Variants in ZNF684 observed in about 807,000 individuals in gnomAD.
ZNF684 encodes hypothetical protein MGC27466.
A neutral mutation model predicts 12.8 loss-of-function variants in ZNF684; 13 were observed. The observed-to-expected ratio is 1.02, with a 90% CI of 0.66 to 1.62. The LOEUF (loss-of-function observed/expected upper bound fraction) is 1.62, where lower values mean the gene tolerates loss of function less well. Among genes scored for constraint, ZNF684 ranks in the 40% most tolerant of loss-of-function variants. The pLI, the probability that ZNF684 is intolerant of heterozygous loss-of-function variation, is 0.00. For missense variants in ZNF684, 384 were observed against 446.9 expected, an observed-to-expected ratio of 0.86 and a Z score of 1.27; for synonymous variants, 118 against 151.8, an observed-to-expected ratio of 0.78 and a Z score of 1.64.
At chr1:40,534,192 A>G (rs1179620005) in intron 2 of ZNF684, among the ~76,000 whole-genome samples, 2 of 150,700 alleles carry the variant, frequency 1.3e-5, no homozygotes, top group African/African-American at 2.4e-5. Flanking sequence ...TGACTTTTCA[A>G]TGAGTCCTAT....
intron 1 of ZNF684, among the ~76,000 whole-genome samples, chr1:40,532,645 C>CA (rs533666037): frequency 0.01 from 1,438 of 140,090 alleles, 10 homozygotes; most frequent in Middle Eastern, 0.015. Flanking sequence ...TCCAGCTTAA[C>CA]AAAAAAAAAA....
chr1:40,541,030 C>CA (rs57200329), intron 3 of ZNF684, among the ~76,000 whole-genome samples: 15,554 of 79,134 alleles, frequency 0.2, 1,515 homozygotes, highest in East Asian at 0.49. Context: ...GACCCTATCT[C>CA]AAAAAAAAAA....
At chr1:40,533,240 A>G in intron 2 of ZNF684, 59 bp downstream of exon 2, 3 of 1,531,652 alleles carry the variant, frequency 2.0e-6, no homozygotes, top group Middle Eastern at 1.7e-4. Flanking sequence ...ATATGATAAA[A>G]AGGAAATGTA....
Position 40,547,375 on chromosome 1 carries a change from G to T in ZNF684, c.1052G>T (p.Gly351Val). ...HLLRHQITHT[G>V]EKPYECNRCG... ...CTCAGACATCAGATAACTCATACAG[G>T]AGAGAAGCCCTATGAATGTAACAGA... is the stretch of plus-strand genomic sequence containing the variant. Residue 351 changes from glycine to valine, a missense_variant, in exon 5 of 5, where the codon GGA (glycine) becomes GTA (valine). Physicochemically the swap from Gly to Val is moderately radical, Grantham distance 109. Transcript: ENST00000372699. 1 of 1,614,140 alleles carries T rather than the reference G, an allele frequency of 6.2e-7. No homozygotes were observed. The highest frequency in any genetic ancestry group is 8.5e-7 in the Non-Finnish European group (1 of 1,180,034).
chr1:40,535,150 C>T (rs1317166740), intron 2 of ZNF684, among the ~76,000 whole-genome samples: 1 of 152,126 alleles, frequency 6.6e-6, no homozygotes, highest in Non-Finnish European at 1.5e-5. Context: ...TATACCTTCC[C>T]CCATATTTTC....
intron 4 of ZNF684, among the ~76,000 whole-genome samples, chr1:40,543,575 G>A (rs1362747070): frequency 6.6e-6 from 1 of 151,540 alleles, no homozygotes; most frequent in Non-Finnish European, 1.5e-5. Context: ...TCCTGCCTCA[G>A]CCTCCCGAGT....
chr1:40,541,756 C>T (rs1646017893), intron 4 of ZNF684, 46 bp downstream of exon 4: 1 of 1,512,410 alleles, frequency 6.6e-7, no homozygotes, highest in Non-Finnish European at 9.1e-7. Context: ...TTGAGATCCC[C>T]ATTGGTCAGT....
In ZNF684 at chr1:40,547,629, C is replaced by A; in HGVS notation, c.*169C>A. 1.8e-6 allele frequency: 1 copy of A among 547,864 alleles called. No homozygotes were observed. The highest frequency in any genetic ancestry group is 3.0e-6 in the Non-Finnish European group (1 of 337,482). 33.9% of individuals were successfully genotyped at this position (547,864 alleles called of 1,614,324 possible). On this transcript the variant is annotated 3_prime_UTR_variant, in exon 5 of 5. Coordinates refer to ENST00000372699, the MANE Select transcript of ZNF684 (RefSeq NM_152373.4). ...TCTGGAAGTGATAATAAACTTTTTACAGAAAATATGACAGAAAACAACTAT... is the reference window on the plus strand; with the variant it reads ...TCTGGAAGTGATAATAAACTTTTTAAAGAAAATATGACAGAAAACAACTAT...
intron 4 of ZNF684, chr1:40,544,484 T>A (rs1646033134): frequency 2.8e-6 from 1 of 353,778 alleles, no homozygotes; most frequent in African/African-American, 2.2e-5. Context: ...CCCGAAGAGC[T>A]GGAACTACAG....
At chr1:40,541,883 G>A (rs1339009481) in intron 4 of ZNF684, among the ~76,000 whole-genome samples, 173 bp downstream of exon 4, 2 of 152,040 alleles carry the variant, frequency 1.3e-5, no homozygotes, top group Non-Finnish European at 2.9e-5. Context: ...CTCCCCACAC[G>A]TGCCCTTTCT....
chr1:40,544,712 C>T (rs1238307208), intron 4 of ZNF684: 1 of 153,690 alleles, frequency 6.5e-6, no homozygotes, highest in Admixed American at 6.5e-5. Flanking sequence ...TGCACATTAA[C>T]ATTGCAGTTT....
rs569524189 is a variant in ZNF684, at chr1:40,536,783, G to A, written c.15+3602G>A. Among the ~76,000 whole-genome samples, 529 of 150,020 alleles carry A rather than the reference G, an allele frequency of 3.5e-3. 7 individuals are homozygous for A. The highest frequency in any genetic ancestry group is 0.012 in the African/African-American group (506 of 40,728). ...GCAGTGTTTGGTTTTTTGTTCTTGC[G>A]ATAGTTTACTGAGAATGATGATTTC... On this transcript the variant is annotated intron_variant, in intron 2 of 4. Coordinates refer to ENST00000372699, the MANE Select transcript of ZNF684 (RefSeq NM_152373.4).
At position 40,532,662 on chromosome 1, in the gene ZNF684, A is replaced by T. The variant is rs146205362; in HGVS notation, c.-24-481A>T. Among the ~76,000 whole-genome samples the T allele has an allele frequency of 9.1e-4, 139 of 152,286 alleles. 2 individuals carry two copies. The East Asian group carries it at 0.021, about 23-fold the overall frequency. ...CAGCTTAACAAAAAAAAAATAAAAA[A>T]AAGTGTTCCTGGGTCCCTGAATCCA... On this transcript the variant is annotated intron_variant, in intron 1 of 4. Transcript: ENST00000372699.
chr1:40,536,760 A>G (rs1474436856), intron 2 of ZNF684, among the ~76,000 whole-genome samples: 2 of 147,948 alleles, frequency 1.4e-5, no homozygotes, highest in African/African-American at 5.0e-5. Flanking sequence ...GAGAATATGC[A>G]GTGTTTGGTT....
Position 40,536,053 on chromosome 1 carries a change from G to A in ZNF684, c.15+2872G>A, listed in dbSNP as rs567076488. Among the ~76,000 whole-genome samples, 43 of 152,188 alleles carry A rather than the reference G, an allele frequency of 2.8e-4. 1 individual carries two copies. The highest frequency in any genetic ancestry group is 4.6e-4 in the Non-Finnish European group (31 of 68,016). ...GTAACTACTTGTCTTTAATTTCGGT[G>A]CTTTTAACATTTATCCATTAAACAT... On this transcript the variant is annotated intron_variant, in intron 2 of 4. Coordinates refer to ENST00000372699, the MANE Select transcript of ZNF684 (RefSeq NM_152373.4).
Position 40,546,746 on chromosome 1 carries a change from A to G in ZNF684, c.423A>G (p.Pro141=). 2 of 1,613,936 alleles carry G rather than the reference A, an allele frequency of 1.2e-6. No homozygotes were observed. The highest frequency in any genetic ancestry group is 2.2e-5 in the East Asian group (1 of 44,878). ...ATAAATCGTTTGAGAAGTGTTTGCC[A>G]CCTAATTTAGACTTACTTAAATATA... is the stretch of plus-strand genomic sequence containing the variant. ...KSYKSFEKCL[P]PNLDLLKYNR... Residue 141 remains proline, a synonymous_variant, in exon 5 of 5, where the codon CCA becomes CCG. Transcript: ENST00000372699.
chr1:40,539,071 C>T (rs914838672), intron 2 of ZNF684, among the ~76,000 whole-genome samples: 2 of 151,522 alleles, frequency 1.3e-5, no homozygotes, highest in South Asian at 4.2e-4. Flanking sequence ...ACTCTGTCAC[C>T]CAGGCTGGAG....
At chr1:40,536,595 G>A (rs1645986887) in intron 2 of ZNF684, among the ~76,000 whole-genome samples, 1 of 143,946 alleles carries the variant, frequency 6.9e-6, no homozygotes, top group Non-Finnish European at 1.5e-5. Context: ...CATGTGCCAT[G>A]CTGGTGCGCT....
chr1:40,532,535 G>A (rs757272711), intron 1 of ZNF684, among the ~76,000 whole-genome samples: 6 of 151,864 alleles, frequency 4.0e-5, no homozygotes, highest in Admixed American at 3.9e-4. Context: ...GTGAGTCCCC[G>A]GTTTGCCCAT....
Sources: allele counts gnomAD v4.1 joint callset (sites outside exome capture counted in the v4.1 genomes callset), GRCh38; gene constraint gnomAD v4.1.1; transcripts MANE v1.5; gene names NCBI Gene and HGNC (gene_info 2026-07-23, HGNC 2026-07-21).